KDM5A: variants seen among roughly 807,000 people sequenced by gnomAD.
KDM5A encodes the protein lysine-specific demethylase 5A.
A neutral mutation model predicts 193.5 loss-of-function variants in KDM5A; 42 were observed. That is an observed-to-expected ratio of 0.22 (90% CI 0.17 to 0.28). The LOEUF (loss-of-function observed/expected upper bound fraction) is 0.28. KDM5A is among the 10% of genes least tolerant of loss of function. The pLI is 1.00. For missense variants in KDM5A, 1,692 were observed against 2,055.1 expected (o/e 0.82, Z 3.42); for synonymous variants, 796 against 718.1 (o/e 1.11, Z -1.73).
chr12:342,776 A>G (rs1944022439), intron 10 of KDM5A, among the ~76,000 whole-genome samples: 1 of 145,068 alleles, frequency 6.9e-6, no homozygotes. Flanking sequence ...ATGTGATTTA[A>G]AAAAAAAAAA....
At chr12:336,101 G>A (rs368240748) in intron 10 of KDM5A, among the ~76,000 whole-genome samples, 2 of 148,752 alleles carry the variant, frequency 1.3e-5, no homozygotes, top group African/African-American at 2.5e-5. Flanking sequence ...GCTCATGCCT[G>A]TAATCTCAGC....
At chr12:331,984 T>C in intron 12 of KDM5A, 46 bp from the exon 13 acceptor site, 1 of 1,570,684 alleles carries the variant, frequency 6.4e-7, no homozygotes, top group Non-Finnish European at 8.7e-7. Context: ...AAAATAAAAA[T>C]AACAAACAGA....
At chr12:338,690 A>T (rs1212016555) in intron 10 of KDM5A, among the ~76,000 whole-genome samples, 1 of 152,214 alleles carries the variant, frequency 6.6e-6, no homozygotes, top group African/African-American at 2.4e-5. Flanking sequence ...TGTGATAAGG[A>T]CCTAAGCAAG....
chr12:335,053 C>T (rs935589506), intron 10 of KDM5A, among the ~76,000 whole-genome samples: 1 of 152,160 alleles, frequency 6.6e-6, no homozygotes, highest in East Asian at 1.9e-4. Context: ...CAGAAAGTCA[C>T]CACCATCACT....
rs150834611 is a variant in KDM5A at position 320,670 on chromosome 12, G to A, written c.2541+325C>T. ...ATCATTAAGCTTTTTAAAAGCTCAC[G>A]TATTATTAACACTGATACATGCAGA... On this transcript the variant is annotated intron_variant, in intron 18 of 27. Coordinates refer to ENST00000399788, the MANE Select transcript of KDM5A (RefSeq NM_001042603.3). Among the ~76,000 whole-genome samples the A allele has an allele frequency of 6.7e-3, 1,024 of 152,068 alleles. 16 individuals carry two copies. Among genetic ancestry groups the A allele is most frequent in the African/African-American group, 0.024 (988 of 41,464 alleles).
intron 10 of KDM5A, among the ~76,000 whole-genome samples, chr12:350,288 T>C (rs552680810): frequency 6.6e-6 from 1 of 151,878 alleles, no homozygotes; most frequent in African/African-American, 2.4e-5. Flanking sequence ...ATACAAAAAT[T>C]AGCCGGGCAT....
intron 5 of KDM5A, among the ~76,000 whole-genome samples, chr12:360,694 CTG>C (rs1206180394): frequency 6.6e-6 from 1 of 152,114 alleles, no homozygotes; most frequent in Non-Finnish European, 1.5e-5. Context: ...GTTGAGGAAA[CTG>C]AGACAATAAA....
intron 27 of KDM5A, among the ~76,000 whole-genome samples, chr12:286,483 T>C (rs1943220970): frequency 6.6e-6 from 1 of 152,218 alleles, no homozygotes; most frequent in African/African-American, 2.4e-5. Flanking sequence ...GTGGTAGTTT[T>C]TACAGCTAAT....
chr12:295,820 A>C (rs756031669), intron 25 of KDM5A, 27 bp from the exon 26 acceptor site: 2 of 1,600,906 alleles, frequency 1.2e-6, no homozygotes, highest in Non-Finnish European at 8.6e-7. Context: ...CATAAAACAA[A>C]GCAAAAAAAA....
rs1943360286 is a variant in KDM5A at position 295,611 on chromosome 12, G to A, written c.4417C>T (p.His1473Tyr). Residue 1473 changes from histidine to tyrosine, a missense_variant, in exon 26 of 28, where the codon CAC becomes TAC. By Grantham distance (83) the His-to-Tyr change is moderately conservative. Around this residue, in one of 11 missense-constraint regions of KDM5A, gnomAD observed 965 missense variants for 1,061.0 expected, o/e 0.91. Transcript: ENST00000399788. ...QHIWRILQAT[H>Y]PPSEDRFLHI... The stretch of plus-strand genomic sequence containing the variant: ...AAGAATCTGTCTTCAGAGGGTGGGT[G>A]TGTGGCCTGCAAAATCCGCCATATG... 1.9e-6 allele frequency: 3 copies of A among 1,614,138 alleles called. No homozygotes were observed. Among genetic ancestry groups the A allele is most frequent in the Non-Finnish European group, 2.5e-6 (3 of 1,179,966 alleles).
intron 27 of KDM5A, among the ~76,000 whole-genome samples, chr12:290,140 T>C (rs957340520): frequency 6.6e-6 from 1 of 152,146 alleles, no homozygotes; most frequent in Non-Finnish European, 1.5e-5. Flanking sequence ...TTTTCTTATT[T>C]TGCTCTAAAG....
chr12:369,863 T>C (rs2137476382), intron 3 of KDM5A, among the ~76,000 whole-genome samples: 1 of 152,272 alleles, frequency 6.6e-6, no homozygotes, highest in South Asian at 2.1e-4. Flanking sequence ...AAGCTAAATT[T>C]CCATTAGTTA....
chr12:350,934 A>G (rs186369712), intron 9 of KDM5A, among the ~76,000 whole-genome samples, 155 bp from the exon 10 acceptor site: 8 of 152,208 alleles, frequency 5.3e-5, no homozygotes, highest in African/African-American at 1.9e-4. Context: ...AGCTTTTTCC[A>G]ATGAGAACAG....
At chr12:376,024 G>C (rs1457459056) in intron 3 of KDM5A, among the ~76,000 whole-genome samples, 1 of 152,238 alleles carries the variant, frequency 6.6e-6, no homozygotes, top group Non-Finnish European at 1.5e-5. Context: ...CTACTTGGGG[G>C]TCAGGGACCC....
At chr12:384,316 G>A (rs1305110988) in intron 2 of KDM5A, among the ~76,000 whole-genome samples, 163 bp from the exon 3 acceptor site, 3 of 152,174 alleles carry the variant, frequency 2.0e-5, no homozygotes, top group Non-Finnish European at 4.4e-5. Context: ...GCAACCAACC[G>A]GGCAAGCATT....
intron 10 of KDM5A, among the ~76,000 whole-genome samples, chr12:339,482 T>C (rs1943974485): frequency 6.6e-6 from 1 of 152,262 alleles, no homozygotes; most frequent in African/African-American, 2.4e-5. Flanking sequence ...AAACAGCAAA[T>C]CTGCAACCCA....
intron 13 of KDM5A, among the ~76,000 whole-genome samples, chr12:330,103 T>A (rs1943847394): frequency 9.2e-6 from 1 of 109,054 alleles, no homozygotes; most frequent in African/African-American, 3.5e-5. Flanking sequence ...ATATATCTTA[T>A]GATTAGCAAT....
rs1171564824 is a variant in KDM5A, at chr12:281,240, G to A, written c.*4216C>T. ...TTCATAAGGCACCACCAATTACCCT[G>A]ATAAATTGTAAATAAATATGTAAGG... On this transcript the variant is annotated 3_prime_UTR_variant, in exon 28 of 28. Transcript: ENST00000399788. 1 of 232,972 alleles carries A rather than the reference G, an allele frequency of 4.3e-6. No individual in the cohort carries two copies. Among genetic ancestry groups the A allele is most frequent in the African/African-American group, 2.2e-5 (1 of 45,304 alleles). 14.4% of individuals were successfully genotyped at this position (232,972 alleles called of 1,614,324 possible).
At position 284,981 on chromosome 12, in the gene KDM5A, A is replaced by T. The variant is rs557950872; in HGVS notation, c.*475T>A. The stretch of plus-strand genomic sequence containing the variant: ...TAGTTGTATCTTTAGGGCATTAAGT[A>T]CCAGGTAACAGTGGAAGGAAAGTGG... On this transcript the variant is annotated 3_prime_UTR_variant, in exon 28 of 28. Coordinates refer to ENST00000399788, the MANE Select transcript of KDM5A (RefSeq NM_001042603.3). 3.9e-6 allele frequency: 1 copy of T among 258,056 alleles called. No homozygotes were observed. Among genetic ancestry groups the T allele is most frequent in the African/African-American group, 2.2e-5 (1 of 46,116 alleles). 16.0% of individuals were successfully genotyped at this position (258,056 alleles called of 1,614,324 possible). A position where few individuals can be genotyped will look rare whatever the true frequency, so the allele number is the denominator to read the frequency against.
Sources: gnomAD v4.1 joint callset for allele counts (sites outside exome capture counted in the v4.1 genomes callset) on GRCh38, gnomAD v4.1.1 for gene constraint, gnomAD v4.1.1 regional missense constraint, MANE v1.5 for transcripts, NCBI Gene and HGNC (gene_info 2026-07-23, HGNC 2026-07-21) for gene names.